PPFIBP1: variants seen among roughly 807,000 people sequenced by gnomAD.
PPFIBP1 encodes the protein liprin-beta-1.
Under a neutral mutation model 137.8 loss-of-function variants are expected in PPFIBP1, and 112 were observed. The ratio of observed to expected loss-of-function variants is 0.81; its 90% CI spans 0.70 to 0.95. The LOEUF is 0.95. Among genes scored for constraint, PPFIBP1 ranks in the 40% least tolerant of loss-of-function variants. PPFIBP1 has a pLI of 0.00. For missense variants in PPFIBP1, 1,083 were observed against 1,196.6 expected, an observed-to-expected ratio of 0.91 and a Z score of 1.40; for synonymous variants, 378 against 417.3, an observed-to-expected ratio of 0.91 and a Z score of 1.15.
intron 1 of PPFIBP1, among the ~76,000 whole-genome samples, chr12:27,545,076 C>T (rs972373940): frequency 1.3e-5 from 2 of 152,162 alleles, no homozygotes; most frequent in African/African-American, 4.8e-5. Flanking sequence ...GAGTTCATGT[C>T]CTTTCAGGGA....
chr12:27,630,116 T>C (rs1427086914), intron 2 of PPFIBP1, among the ~76,000 whole-genome samples: 1 of 152,068 alleles, frequency 6.6e-6, no homozygotes, highest in Non-Finnish European at 1.5e-5. Context: ...CTGTCAATTC[T>C]AAAGAAGGTT....
intron 1 of PPFIBP1, among the ~76,000 whole-genome samples, chr12:27,529,851 C>T (rs1205254533): frequency 1.3e-5 from 2 of 152,188 alleles, no homozygotes; most frequent in African/African-American, 2.4e-5. Context: ...TTATGGTATG[C>T]AGTAATACTG....
intron 2 of PPFIBP1, among the ~76,000 whole-genome samples, chr12:27,630,005 AT>A (rs1049732385): frequency 6.6e-6 from 1 of 152,142 alleles, no homozygotes; most frequent in African/African-American, 2.4e-5. Context: ...TTGAATGTAT[AT>A]TCTGCATTTG....
intron 8 of PPFIBP1, chr12:27,655,161 T>C (rs2059118679): frequency 2.0e-6 from 3 of 1,535,256 alleles, no homozygotes; most frequent in African/African-American, 1.4e-5. Context: ...GGCCAAACTT[T>C]CTAGCATGAA....
chr12:27,662,703 T>G (rs1029290064), intron 11 of PPFIBP1, among the ~76,000 whole-genome samples: 1 of 152,222 alleles, frequency 6.6e-6, no homozygotes, highest in African/African-American at 2.4e-5. Flanking sequence ...AGGGAAAGAA[T>G]GAGCTTAATT....
At chr12:27,528,824 A>G (rs1307592365) in intron 1 of PPFIBP1, among the ~76,000 whole-genome samples, 1 of 152,216 alleles carries the variant, frequency 6.6e-6, no homozygotes, top group Non-Finnish European at 1.5e-5. Flanking sequence ...AATACGTACC[A>G]GTCTAAACCC....
intron 2 of PPFIBP1, among the ~76,000 whole-genome samples, chr12:27,611,194 C>A (rs2055067324): frequency 2.0e-5 from 3 of 152,168 alleles, no homozygotes; most frequent in South Asian, 2.1e-4. Flanking sequence ...TATATTGTGG[C>A]CAGCAGATTG....
At chr12:27,691,237 T>C (rs1174218062) in intron 27 of PPFIBP1, among the ~76,000 whole-genome samples, 2 of 151,458 alleles carry the variant, frequency 1.3e-5, no homozygotes, top group Admixed American at 1.3e-4. Flanking sequence ...CCTTGCAAAA[T>C]TGGATTCAGC....
chr12:27,569,355 A>T (rs1358584456), intron 1 of PPFIBP1, among the ~76,000 whole-genome samples: 2 of 152,196 alleles, frequency 1.3e-5, no homozygotes, highest in African/African-American at 4.8e-5. Context: ...GTCTCGTATT[A>T]TCTTTCATAC....
chr12:27,616,666 T>A (rs1447246760), intron 2 of PPFIBP1, among the ~76,000 whole-genome samples: 2 of 152,216 alleles, frequency 1.3e-5, no homozygotes, highest in African/African-American at 2.4e-5. Flanking sequence ...AATAATTGTC[T>A]GAAAGCTTGG....
intron 24 of PPFIBP1, among the ~76,000 whole-genome samples, chr12:27,684,628 A>G (rs2061088322): frequency 6.6e-6 from 1 of 152,168 alleles, no homozygotes; most frequent in Non-Finnish European, 1.5e-5. Context: ...CCTGCGTGAA[A>G]TAATACTAAT....
chr12:27,544,906 G>A (rs556920369), intron 1 of PPFIBP1, among the ~76,000 whole-genome samples: 25 of 152,264 alleles, frequency 1.6e-4, no homozygotes, highest in Non-Finnish European at 3.2e-4. Flanking sequence ...AGGATTATAA[G>A]TAATTTTACT....
At chr12:27,627,257 G>A (rs1430873048) in intron 2 of PPFIBP1, among the ~76,000 whole-genome samples, 1 of 152,106 alleles carries the variant, frequency 6.6e-6, no homozygotes, top group Non-Finnish European at 1.5e-5. Context: ...GGCAATCATT[G>A]CGTAATTGAT....
chr12:27,596,543 A>G (rs534580439), intron 2 of PPFIBP1, among the ~76,000 whole-genome samples: 1 of 152,148 alleles, frequency 6.6e-6, no homozygotes, highest in South Asian at 2.1e-4. Context: ...ATTTTTAGAG[A>G]CAGGGTCTCA....
chr12:27,622,267 C>CG (rs1218420498), intron 2 of PPFIBP1, among the ~76,000 whole-genome samples: 1 of 127,102 alleles, frequency 7.9e-6, no homozygotes, highest in Admixed American at 7.5e-5. Context: ...GGCCAGTTTG[C>CG]CCCCCCAGAG....
At chr12:27,553,207 A>G (rs1465290171) in intron 1 of PPFIBP1, among the ~76,000 whole-genome samples, 1 of 152,046 alleles carries the variant, frequency 6.6e-6, no homozygotes, top group Non-Finnish European at 1.5e-5. Flanking sequence ...ATAAAGACGA[A>G]CTCAAGCTTA....
rs189352357 is a variant in PPFIBP1, at chr12:27,619,242, C to T, written c.-35-14120C>T. Among the ~76,000 whole-genome samples the T allele has an allele frequency of 5.9e-5, 9 of 152,184 alleles. No homozygotes were observed. In the East Asian group the frequency reaches 7.7e-4, roughly 13 times the overall value. On this transcript the variant is annotated intron_variant, in intron 2 of 29. Transcript: ENST00000228425. ...AAAATGGCATCGAATTTGCCTATAA[C>T]GTAAGAATATCCTCCTGTATACTTT... is the stretch of plus-strand genomic sequence containing the variant.
chr12:27,532,518 T>C (rs1457329699), intron 1 of PPFIBP1, among the ~76,000 whole-genome samples: 1 of 151,924 alleles, frequency 6.6e-6, no homozygotes, highest in Non-Finnish European at 1.5e-5. Context: ...AAATACAAAA[T>C]ATGTTAAAAT....
intron 2 of PPFIBP1, among the ~76,000 whole-genome samples, chr12:27,590,495 A>G (rs1039847689): frequency 6.6e-6 from 1 of 152,192 alleles, no homozygotes; most frequent in African/African-American, 2.4e-5. Flanking sequence ...AGGATTTGCA[A>G]TATAAAGGAA....
Sources: allele counts gnomAD v4.1 joint callset (sites outside exome capture counted in the v4.1 genomes callset), GRCh38; gene constraint gnomAD v4.1.1; transcripts MANE v1.5; gene names NCBI Gene and HGNC (gene_info 2026-07-23, HGNC 2026-07-21).